Variants in XKR4 observed in about 807,000 individuals in gnomAD.
XKR4 encodes XK-related protein 4.
A neutral mutation model predicts 53.9 loss-of-function variants in XKR4; 12 were observed. The ratio of observed to expected loss-of-function variants is 0.22; its 90% CI spans 0.14 to 0.36. The LOEUF (loss-of-function observed/expected upper bound fraction) is 0.36. Ranked by LOEUF, XKR4 falls within the 10% of genes least tolerant of loss-of-function variation. The probability of loss-of-function intolerance (pLI) is 1.00; values close to 1 mark genes in which losing one functional copy is unlikely to be tolerated. For synonymous variants in XKR4, 354 were observed against 362.4 expected (o/e 0.98, Z 0.26); for missense variants, 799 against 859.5 (o/e 0.93, Z 0.88).
At chr8:55,206,672 A>T (rs1419544956) in intron 1 of XKR4, among the ~76,000 whole-genome samples, 1 of 152,236 alleles carries the variant, frequency 6.6e-6, no homozygotes, top group Non-Finnish European at 1.5e-5. Flanking sequence ...CCCCTGAAAA[A>T]GTTAGACTGT....
rs138073568 is a variant in XKR4 at position 55,123,153 on chromosome 8, G to C, written c.806+19859G>C. 1.6e-3 allele frequency among the ~76,000 whole-genome samples: 244 copies of C among 152,320 alleles called. 1 individual carries two copies. The highest frequency in any genetic ancestry group is 5.7e-3 in the African/African-American group (238 of 41,566). On this transcript the variant is annotated intron_variant, in intron 1 of 2. Coordinates refer to ENST00000327381, the MANE Select transcript of XKR4 (RefSeq NM_052898.2). ...CTGAAATGTGCTCCTCATGGAAAGAGAAACACTTTAATTTGCTCACAGTAG... is the reference window on the plus strand; with the variant it reads ...CTGAAATGTGCTCCTCATGGAAAGACAAACACTTTAATTTGCTCACAGTAG...
chr8:55,178,817 G>A (rs1427487376), intron 1 of XKR4, among the ~76,000 whole-genome samples: 1 of 152,134 alleles, frequency 6.6e-6, no homozygotes, highest in Non-Finnish European at 1.5e-5. Flanking sequence ...AAATGGCCCC[G>A]CTTATACGTC....
intron 2 of XKR4, among the ~76,000 whole-genome samples, chr8:55,407,061 T>A (rs1211833030): frequency 6.6e-6 from 1 of 152,168 alleles, no homozygotes; most frequent in Non-Finnish European, 1.5e-5. Flanking sequence ...GCGATCCTTC[T>A]TTTTGCCTCT....
chr8:55,515,724 C>A (rs747876250), intron 2 of XKR4, among the ~76,000 whole-genome samples: 24 of 152,164 alleles, frequency 1.6e-4, no homozygotes, highest in Admixed American at 2.6e-4. Context: ...TGAAAAGAAT[C>A]CAAAATTGAT....
chr8:55,394,065 A>G (rs898168405), intron 2 of XKR4, among the ~76,000 whole-genome samples: 3 of 152,214 alleles, frequency 2.0e-5, no homozygotes, highest in Non-Finnish European at 4.4e-5. Context: ...ATGTAAGAAA[A>G]CAAAAATAAT....
chr8:55,200,356 C>T (rs1373507212), intron 1 of XKR4, among the ~76,000 whole-genome samples: 1 of 152,250 alleles, frequency 6.6e-6, no homozygotes, highest in Non-Finnish European at 1.5e-5. Context: ...GCGTGAGCCA[C>T]TGCGCCCGGC....
chr8:55,475,181 G>T (rs1225948798), intron 2 of XKR4, among the ~76,000 whole-genome samples: 1 of 152,092 alleles, frequency 6.6e-6, no homozygotes, highest in African/African-American at 2.4e-5. Context: ...GGTGACCTCT[G>T]CCCCCATCAG....
At chr8:55,293,704 G>A (rs1309020809) in intron 1 of XKR4, among the ~76,000 whole-genome samples, 1 of 152,026 alleles carries the variant, frequency 6.6e-6, no homozygotes, top group Admixed American at 6.5e-5. Context: ...TCTATTCTAA[G>A]CCATTTTCCT....
At chr8:55,502,389 CTTTT>C (rs56332216) in intron 2 of XKR4, among the ~76,000 whole-genome samples, 2 of 150,724 alleles carry the variant, frequency 1.3e-5, no homozygotes, top group African/African-American at 4.9e-5. Context: ...CTGCTATTTT[CTTTT>C]TTTTTTTAAG....
chr8:55,105,604 C>G (rs1816132206), intron 1 of XKR4, among the ~76,000 whole-genome samples: 1 of 152,040 alleles, frequency 6.6e-6, no homozygotes, highest in Non-Finnish European at 1.5e-5. Flanking sequence ...AAATATTTGT[C>G]AACATTTTCA....
At chr8:55,514,198 T>C (rs1806675605) in intron 2 of XKR4, among the ~76,000 whole-genome samples, 1 of 151,424 alleles carries the variant, frequency 6.6e-6, no homozygotes, top group South Asian at 2.1e-4. Flanking sequence ...GAGAAATAAA[T>C]GAGAAAAAGT....
intron 1 of XKR4, among the ~76,000 whole-genome samples, chr8:55,105,842 C>T (rs559869737): frequency 5.3e-5 from 8 of 152,284 alleles, no homozygotes; most frequent in Admixed American, 3.9e-4. Flanking sequence ...CACTCAGATG[C>T]GCTCTAATAT....
intron 2 of XKR4, among the ~76,000 whole-genome samples, chr8:55,460,020 A>AAC (rs1414680059): frequency 2.0e-5 from 3 of 151,998 alleles, no homozygotes; most frequent in Admixed American, 2.0e-4. Context: ...TGAAAAAAAA[A>AAC]AAAACCAAAT....
In XKR4 at chr8:55,526,788, C is replaced by G. The variant is rs1180128341; in HGVS notation, c.*2561C>G. ...TTATTTCTCAACTTGATCCCTCATT[C>G]AACATGTTAAGAGTCAGAATGAATA... On this transcript the variant is annotated 3_prime_UTR_variant, in exon 3 of 3. Transcript: ENST00000327381. 6.6e-6 allele frequency: 1 copy of G among 152,138 alleles called. No homozygotes were observed. Among genetic ancestry groups the G allele is most frequent in the East Asian group, 1.9e-4 (1 of 5,200 alleles). The allele number at this position is 152,138 out of a possible 1,614,324, so 9.4% of individuals were successfully genotyped here.
chr8:55,462,567 T>A (rs1452672931), intron 2 of XKR4, among the ~76,000 whole-genome samples: 1 of 152,096 alleles, frequency 6.6e-6, no homozygotes, highest in Admixed American at 6.5e-5. Context: ...CTGCATCAAC[T>A]AACGAGCAAA....
intron 1 of XKR4, among the ~76,000 whole-genome samples, chr8:55,341,756 A>C (rs1803549674): frequency 6.6e-6 from 1 of 152,170 alleles, no homozygotes; most frequent in African/African-American, 2.4e-5. Context: ...CTTGGGAAGG[A>C]AGAGACCTCC....
chr8:55,389,908 T>A (rs1804419543), intron 2 of XKR4, among the ~76,000 whole-genome samples: 1 of 152,086 alleles, frequency 6.6e-6, no homozygotes, highest in Non-Finnish European at 1.5e-5. Flanking sequence ...TATTTCTCTT[T>A]CCCCCTCTCT....
intron 2 of XKR4, among the ~76,000 whole-genome samples, chr8:55,400,568 G>A (rs1451074771): frequency 2.6e-5 from 4 of 152,140 alleles, no homozygotes; most frequent in Non-Finnish European, 4.4e-5. Context: ...GAGTCCAAGT[G>A]GCTTGAGGAG....
At chr8:55,477,243 T>A (rs1806007180) in intron 2 of XKR4, among the ~76,000 whole-genome samples, 1 of 152,094 alleles carries the variant, frequency 6.6e-6, no homozygotes, top group East Asian at 1.9e-4. Flanking sequence ...AGATCCGCTG[T>A]CCTACAGCCA....
Sources: allele counts gnomAD v4.1 joint callset (sites outside exome capture counted in the v4.1 genomes callset), GRCh38; gene constraint gnomAD v4.1.1; transcripts MANE v1.5; gene names NCBI Gene and HGNC (gene_info 2026-07-23, HGNC 2026-07-21).